Variants in USP22 observed in about 807,000 individuals in gnomAD.
USP22 encodes ubiquitin specific peptidase 22, also known as ubiquitin carboxyl-terminal hydrolase 22.
Under a neutral mutation model 68.1 loss-of-function variants are expected in USP22, and 22 were observed. The observed-to-expected ratio is 0.32, with a 90% confidence interval of 0.23 to 0.46. The LOEUF is 0.46. USP22 is among the 20% of genes least tolerant of loss of function. The pLI is 1.00. For missense variants in USP22, 433 were observed against 695.8 expected (o/e 0.62, Z 4.25); for synonymous variants, 279 against 274.2 (o/e 1.02, Z -0.17).
chr17:21,021,439 G>A (rs1972155393), intron 2 of USP22, among the ~76,000 whole-genome samples: 1 of 152,180 alleles, frequency 6.6e-6, no homozygotes, highest in Non-Finnish European at 1.5e-5. Context: ...CAGGGCTGAG[G>A]TGTCTTAAAA....
intron 1 of USP22, among the ~76,000 whole-genome samples, chr17:21,033,673 G>T (rs1972319362): frequency 6.6e-6 from 1 of 152,134 alleles, no homozygotes; most frequent in Non-Finnish European, 1.5e-5. Flanking sequence ...ATCTTAGGAA[G>T]GTAAGTTTAA....
intron 1 of USP22, among the ~76,000 whole-genome samples, chr17:21,038,046 T>A (rs965809438): frequency 1.3e-5 from 2 of 152,216 alleles, no homozygotes; most frequent in African/African-American, 4.8e-5. Context: ...TGTAATGTTT[T>A]GTTGTGATGA....
chr17:21,014,074 A>G (rs1163519785), intron 6 of USP22, among the ~76,000 whole-genome samples: 1 of 152,130 alleles, frequency 6.6e-6, no homozygotes, highest in African/African-American at 2.4e-5. Flanking sequence ...CTCTGACTCA[A>G]AAACAAAACA....
chr17:21,014,463 T>G (rs1456582324), intron 6 of USP22, among the ~76,000 whole-genome samples: 1 of 152,194 alleles, frequency 6.6e-6, no homozygotes, highest in African/African-American at 2.4e-5. Flanking sequence ...AGCTACTAAG[T>G]AACTTTCCTT....
chr17:21,005,749 T>G (rs1913757724), intron 10 of USP22, among the ~76,000 whole-genome samples: 1 of 152,228 alleles, frequency 6.6e-6, no homozygotes, highest in African/African-American at 2.4e-5. Context: ...GGGCTGGGAC[T>G]GTGGCCACCA....
At chr17:21,025,150 A>G (rs1972204403) in intron 2 of USP22, among the ~76,000 whole-genome samples, 1 of 152,148 alleles carries the variant, frequency 6.6e-6, no homozygotes, top group Non-Finnish European at 1.5e-5. Flanking sequence ...CACACACTGT[A>G]TACTGTGCAT....
chr17:21,035,514 A>G (rs1371777637), intron 1 of USP22, among the ~76,000 whole-genome samples: 1 of 97,150 alleles, frequency 1.0e-5, no homozygotes, highest in East Asian at 2.2e-4. Flanking sequence ...AGGAAATAGG[A>G]CAAAAAAAAA....
At chr17:21,013,099 A>C (rs1408365430) in intron 6 of USP22, among the ~76,000 whole-genome samples, 164 bp from the exon 7 acceptor site, 1 of 152,164 alleles carries the variant, frequency 6.6e-6, no homozygotes, top group African/African-American at 2.4e-5. Flanking sequence ...TTGTTATTTT[A>C]ATATGACGAG....
In USP22 at chr17:21,018,992, G is replaced by GA. The variant is rs1248523830; in HGVS notation, c.520+91dup. On this transcript the variant is annotated intron_variant, in intron 4 of 12. Transcript: ENST00000261497. Reference sequence around the variant, plus strand: ...GTGACAGTTATGCAGGGCTTCAACAGAATCATGTGGACTTAAGAAACCCAC... The same window carrying GA: ...GTGACAGTTATGCAGGGCTTCAACAGAAATCATGTGGACTTAAGAAACCCAC... 4 of 1,327,936 alleles carry GA rather than the reference G, an allele frequency of 3.0e-6. No individual in the cohort carries two copies. The Admixed American group carries it at 7.0e-5, about 23-fold the overall frequency. The allele number at this position is 1,327,936 out of a possible 1,614,324, so 82.3% of individuals were successfully genotyped here.
intron 8 of USP22, 134 bp downstream of exon 8, chr17:21,011,017 G>T: frequency 8.0e-7 from 1 of 1,247,568 alleles, no homozygotes; most frequent in Non-Finnish European, 1.1e-6. Flanking sequence ...AGAGACTGCA[G>T]CCAATCCAGG....
At position 21,030,303 on chromosome 17, in the gene USP22, CT is replaced by C. The variant is rs544665378; in HGVS notation, c.172-1630del. On this transcript the variant is annotated intron_variant, in intron 1 of 12. Transcript: ENST00000261497. The stretch of plus-strand genomic sequence containing the variant: ...ATGTTCAGTACTGATGCACCTATCC[CT>C]TTTTTCCCCCAAATATCTTTGATTT... 1.9e-3 allele frequency among the ~76,000 whole-genome samples: 292 copies of C among 152,208 alleles called. 3 individuals carry two copies. The highest frequency in any genetic ancestry group is 6.8e-3 in the African/African-American group (284 of 41,520).
chr17:21,004,881 C>T, intron 11 of USP22, 47 bp downstream of exon 11: 6 of 1,608,414 alleles, frequency 3.7e-6, no homozygotes, highest in Non-Finnish European at 5.1e-6. Context: ...CCACCCCCAG[C>T]TCTTGGCCAG....
chr17:21,042,881 C>A lies in USP22; in HGVS notation c.-46G>T. 1 of 1,199,440 alleles carries A rather than the reference C, an allele frequency of 8.3e-7. No individual in the cohort carries two copies. The highest frequency in any genetic ancestry group is 1.0e-6 in the Non-Finnish European group (1 of 958,418). The allele number at this position is 1,199,440 out of a possible 1,614,324, so 74.3% of individuals were successfully genotyped here. A position where few individuals can be genotyped will look rare whatever the true frequency, so the allele number is the denominator to read the frequency against. On this transcript the variant is annotated 5_prime_UTR_variant, in exon 1 of 13. Transcript: ENST00000261497. ...GCGCGGGGGGCGGCGGCGAGGGAGG[C>A]GAGGACGACGCCAGCGCGGCGTGGG...
chr17:21,002,930 G>A lies in USP22; in HGVS notation c.*101C>T. On this transcript the variant is annotated 3_prime_UTR_variant, in exon 13 of 13. Coordinates refer to ENST00000261497, the MANE Select transcript of USP22 (RefSeq NM_015276.2). ...ATGGGAGGTGGTGTCACCAGGCCGG[G>A]GAGGCGGCGGGAGACTTGGGGGAGG... 3 of 1,443,292 alleles carry A rather than the reference G, an allele frequency of 2.1e-6. No homozygotes were observed. The highest frequency in any genetic ancestry group is 2.9e-6 in the Non-Finnish European group (3 of 1,037,286). 89.4% of individuals were successfully genotyped at this position (1,443,292 alleles called of 1,614,324 possible).
chr17:21,007,423 A>G (rs910196698), intron 9 of USP22, among the ~76,000 whole-genome samples: 2 of 152,232 alleles, frequency 1.3e-5, no homozygotes, highest in Admixed American at 6.5e-5. Context: ...GAAATGAAAC[A>G]AAGAACATGT....
At chr17:21,013,032 G>T in intron 6 of USP22, 97 bp from the exon 7 acceptor site, 1 of 1,140,178 alleles carries the variant, frequency 8.8e-7, no homozygotes, top group South Asian at 1.3e-5. Flanking sequence ...GGGGGAGCCA[G>T]GGCCAACGCT....
intron 6 of USP22, 91 bp from the exon 7 acceptor site, chr17:21,013,026 G>A: frequency 1.6e-6 from 2 of 1,236,580 alleles, no homozygotes; most frequent in Non-Finnish European, 2.4e-6. Context: ...AAGCCTGGGG[G>A]AGCCAGGGCC....
At position 21,002,734 on chromosome 17, in the gene USP22, T is replaced by A; in HGVS notation, c.*297A>T. ...TCACTCTGTGCTGTGAGGCCCCCGTTGCACCCCCATGTCATGACACAAGAG... is the reference window on the plus strand; with the variant it reads ...TCACTCTGTGCTGTGAGGCCCCCGTAGCACCCCCATGTCATGACACAAGAG... On this transcript the variant is annotated 3_prime_UTR_variant, in exon 13 of 13. Coordinates refer to ENST00000261497, the MANE Select transcript of USP22 (RefSeq NM_015276.2). 1 of 383,044 alleles carries A rather than the reference T, an allele frequency of 2.6e-6. No homozygotes were observed. The highest frequency in any genetic ancestry group is 5.0e-6 in the Non-Finnish European group (1 of 199,368). The allele number at this position is 383,044 out of a possible 1,614,324, so 23.7% of individuals were successfully genotyped here.
At chr17:21,005,200 T>A (rs2143512892) in intron 10 of USP22, 1 of 581,798 alleles carries the variant, frequency 1.7e-6, no homozygotes, top group East Asian at 3.0e-5. Context: ...ACCTGGGTCC[T>A]GAGGCCACCT....
Sources: allele counts gnomAD v4.1 joint callset (sites outside exome capture counted in the v4.1 genomes callset), GRCh38; gene constraint gnomAD v4.1.1; transcripts MANE v1.5; gene names NCBI Gene and HGNC (gene_info 2026-07-23, HGNC 2026-07-21).